PIWIL4: variants seen among roughly 807,000 people sequenced by gnomAD.
PIWIL4 encodes piwi-like protein 4.
PIWIL4 carries 50 observed loss-of-function variants against 100.9 expected under a neutral mutation model. The ratio of observed to expected loss-of-function variants is 0.50; its 90% CI spans 0.39 to 0.63. PIWIL4 has a LOEUF of 0.63. Ranked by LOEUF, PIWIL4 falls within the 20% of genes least tolerant of loss-of-function variation. The pLI, the probability that PIWIL4 is intolerant of heterozygous loss-of-function variation, is 0.00. For synonymous variants in PIWIL4, 342 were observed against 367.5 expected (o/e 0.93, Z 0.79); for missense variants, 887 against 1,043.3 (o/e 0.85, Z 2.06).
chr11:94,590,258 A>G (rs969213143), intron 8 of PIWIL4, among the ~76,000 whole-genome samples: 3 of 152,174 alleles, frequency 2.0e-5, no homozygotes, highest in East Asian at 1.9e-4. Flanking sequence ...GGTCAAGTTC[A>G]GTTACTGTTC....
intron 15 of PIWIL4, among the ~76,000 whole-genome samples, chr11:94,612,428 G>T (rs1939142): frequency 6.6e-6 from 1 of 150,732 alleles, no homozygotes; most frequent in East Asian, 1.9e-4. Flanking sequence ...TTCAATCTAT[G>T]TGTGTCCTTA....
At chr11:94,579,413 A>G (rs191392618) in intron 4 of PIWIL4, among the ~76,000 whole-genome samples, 89 of 149,672 alleles carry the variant, frequency 5.9e-4, no homozygotes, top group Non-Finnish European at 1.1e-3. Context: ...TACAATTACT[A>G]CAAGAAAAAA....
At chr11:94,599,079 T>C (rs1476727186) in intron 11 of PIWIL4, among the ~76,000 whole-genome samples, 1 of 152,206 alleles carries the variant, frequency 6.6e-6, no homozygotes, top group Non-Finnish European at 1.5e-5. Context: ...AGTACTATTT[T>C]TCAACACAAA....
chr11:94,598,864 T>C (rs1043580427), intron 11 of PIWIL4, among the ~76,000 whole-genome samples: 6 of 152,074 alleles, frequency 3.9e-5, no homozygotes, highest in African/African-American at 1.4e-4. Flanking sequence ...TGCGCCACCA[T>C]GCTCAGCTAA....
chr11:94,575,153 C>G lies in PIWIL4; in HGVS notation c.298+23C>G, dbSNP rs764461639. Reference sequence around the variant, plus strand: ...CAGGTACCCAGTTTTATGTCACTTACTTTTTTAATGTTACCAAATCTTGCT... The same window carrying G: ...CAGGTACCCAGTTTTATGTCACTTAGTTTTTTAATGTTACCAAATCTTGCT... On this transcript the variant is annotated intron_variant, in intron 3 of 19. Transcript: ENST00000299001. 4 of 1,608,620 alleles carry G rather than the reference C, an allele frequency of 2.5e-6. No individual in the cohort carries two copies. In the South Asian group the frequency reaches 4.5e-5, roughly 18 times the overall value.
rs34291601 is a variant in PIWIL4 at position 94,591,787 on chromosome 11, G to A, written c.1027-1731G>A. Among the ~76,000 whole-genome samples the A allele has an allele frequency of 7.6e-3, 1,157 of 152,242 alleles. 9 individuals are homozygous for A. Among genetic ancestry groups the A allele is most frequent in the African/African-American group, 0.017 (724 of 41,528 alleles). Reference sequence around the variant, plus strand: ...CTCCCTGTCCCAGGAAAGAAAGACTGATTATTATGTAGTCAGTTTTCAAAG... The same window carrying A: ...CTCCCTGTCCCAGGAAAGAAAGACTAATTATTATGTAGTCAGTTTTCAAAG... On this transcript the variant is annotated intron_variant, in intron 8 of 19. Transcript: ENST00000299001.
intron 7 of PIWIL4, 134 bp from the exon 8 acceptor site, chr11:94,588,987 A>G (rs1048906972): frequency 3.2e-6 from 2 of 622,058 alleles, no homozygotes; most frequent in Admixed American, 6.1e-5. Flanking sequence ...TAAAAAGTGA[A>G]TATTCTTGTT....
At chr11:94,571,635 A>G (rs1359570654) in intron 2 of PIWIL4, among the ~76,000 whole-genome samples, 3 of 152,324 alleles carry the variant, frequency 2.0e-5, no homozygotes, top group South Asian at 2.1e-4. Context: ...TTATGGCAGC[A>G]TAGTATTCTA....
intron 8 of PIWIL4, among the ~76,000 whole-genome samples, chr11:94,589,578 A>C (rs1948454358): frequency 6.6e-6 from 1 of 152,122 alleles, no homozygotes; most frequent in African/African-American, 2.4e-5. Flanking sequence ...TCCTGCCTTT[A>C]AAGCCTCATC....
chr11:94,572,314 T>C (rs1248477736), intron 2 of PIWIL4, among the ~76,000 whole-genome samples: 1 of 152,256 alleles, frequency 6.6e-6, no homozygotes, highest in Non-Finnish European at 1.5e-5. Context: ...TTGTCAATTT[T>C]GGCTTTTGTT....
chr11:94,580,448 C>G lies in PIWIL4; in HGVS notation c.513+2956C>G, dbSNP rs558058126. ...GGATTCCTGTTCAGCTGCCTCCTAG[C>G]CTTCCACTGTCCAGGTCCTATCTGT... On this transcript the variant is annotated intron_variant, in intron 4 of 19. Transcript: ENST00000299001. Among the ~76,000 whole-genome samples the G allele has an allele frequency of 4.6e-5, 7 of 152,246 alleles. 2 individuals are homozygous for G. In the South Asian group the frequency reaches 1.5e-3, roughly 32 times the overall value.
At chr11:94,571,120 C>T (rs1266233331) in intron 2 of PIWIL4, among the ~76,000 whole-genome samples, 4 of 152,078 alleles carry the variant, frequency 2.6e-5, no homozygotes, top group African/African-American at 9.7e-5. Flanking sequence ...CCCTGTGATC[C>T]AAACACACAA....
chr11:94,616,612 G>T, intron 16 of PIWIL4, 49 bp downstream of exon 16: 1 of 1,446,996 alleles, frequency 6.9e-7, no homozygotes, highest in South Asian at 1.2e-5. Flanking sequence ...TGTTCCTTCA[G>T]ACCTCAAATC....
chr11:94,605,817 T>G lies in PIWIL4; in HGVS notation c.1639-1622T>G, dbSNP rs142193653. Reference sequence around the variant, plus strand: ...ATAGTCCATTACTCTTATTATTTATTTTGTTGCTCTTAATATTGTACCTGA... The same window carrying G: ...ATAGTCCATTACTCTTATTATTTATGTTGTTGCTCTTAATATTGTACCTGA... On this transcript the variant is annotated intron_variant, in intron 13 of 19. Coordinates refer to ENST00000299001, the MANE Select transcript of PIWIL4 (RefSeq NM_152431.3). 6.6e-5 allele frequency among the ~76,000 whole-genome samples: 10 copies of G among 152,350 alleles called. No homozygotes were observed. The East Asian group carries it at 1.9e-3, about 29-fold the overall frequency.
chr11:94,601,891 G>A lies in PIWIL4; in HGVS notation c.1477G>A (p.Asp493Asn), dbSNP rs1478288219. ...SLNTWLILCS[D>N]RTEYVAESFL... Reference sequence around the variant, plus strand: ...GAATACCTGGTTGATTTTATGTAGCGACAGAACTGAATATGTTGCCGAGAG... The same window carrying A: ...GAATACCTGGTTGATTTTATGTAGCAACAGAACTGAATATGTTGCCGAGAG... The change falls in exon 12 of 20, where the codon GAC becomes AAC. Residue 493 changes from aspartate (D) to asparagine (N), a missense_variant. Asp to Asn is a conservative substitution (Grantham distance 23). Around this residue, in one of 2 missense-constraint regions of PIWIL4, gnomAD observed 741 missense variants for 930.0 expected, o/e 0.80. Transcript: ENST00000299001. 21 of 1,613,926 alleles carry A rather than the reference G, an allele frequency of 1.3e-5. No individual in the cohort carries two copies. The highest frequency in any genetic ancestry group is 4.4e-5 in the South Asian group (4 of 91,076).
At chr11:94,570,918 CA>C (rs202046230) in intron 2 of PIWIL4, among the ~76,000 whole-genome samples, 1 of 151,554 alleles carries the variant, frequency 6.6e-6, no homozygotes, top group South Asian at 2.1e-4. Flanking sequence ...AACAAACAAA[CA>C]AAAAAAACAA....
intron 4 of PIWIL4, among the ~76,000 whole-genome samples, chr11:94,579,600 T>C (rs1948286730): frequency 6.6e-6 from 1 of 152,236 alleles, no homozygotes; most frequent in South Asian, 2.1e-4. Flanking sequence ...TCATGAAATG[T>C]GTTTCTTAGC....
chr11:94,582,868 T>C (rs1948341551), intron 4 of PIWIL4, among the ~76,000 whole-genome samples: 1 of 152,178 alleles, frequency 6.6e-6, no homozygotes. Flanking sequence ...CTCCTTTCTT[T>C]CCTTCTCTCT....
chr11:94,617,869 A>G (rs1421171140), intron 16 of PIWIL4, 85 bp from the exon 17 acceptor site: 13 of 1,470,564 alleles, frequency 8.8e-6, no homozygotes, highest in African/African-American at 1.4e-5. Context: ...TAGCAAACCC[A>G]TTTAAACACT....
Sources: gnomAD v4.1 joint callset for allele counts (sites outside exome capture counted in the v4.1 genomes callset) on GRCh38, gnomAD v4.1.1 for gene constraint, gnomAD v4.1.1 regional missense constraint, MANE v1.5 for transcripts, NCBI Gene and HGNC (gene_info 2026-07-23, HGNC 2026-07-21) for gene names.